Variants in C11orf65 observed in about 807,000 individuals in gnomAD.
C11orf65 encodes the protein chromosome 11 open reading frame 65.
C11orf65 carries 38 observed loss-of-function variants against 35.3 expected under a neutral mutation model. The ratio of observed to expected loss-of-function variants is 1.08; its 90% CI spans 0.83 to 1.41. The LOEUF (loss-of-function observed/expected upper bound fraction) is 1.41. Among genes scored for constraint, C11orf65 ranks in the 40% most tolerant of loss-of-function variants. The probability of loss-of-function intolerance (pLI) is 0.00; values close to 1 mark genes in which losing one functional copy is unlikely to be tolerated. For synonymous variants in C11orf65, 105 were observed against 114.4 expected (o/e 0.92, Z 0.53); for missense variants, 370 against 367.1 (o/e 1.01, Z -0.06).
Position 108,369,789 on chromosome 11 carries a change from A to G in C11orf65, c.226+23419T>C, listed in dbSNP as rs576627402. 2.0e-5 allele frequency among the ~76,000 whole-genome samples: 3 copies of G among 152,350 alleles called. No homozygotes were observed. In the South Asian group the frequency reaches 6.2e-4, roughly 32 times the overall value. On this transcript the variant is annotated intron_variant, in intron 2 of 3. Coordinates refer to the C11orf65 transcript ENST00000524755. The stretch of plus-strand genomic sequence containing the variant: ...CTGCCTCACTTGATATTTTCAAAAT[A>G]AAGTTATTGTTATTTTGATGGGAAC...
At chr11:108,336,035 G>C in intron 2 of C11orf65, 1 of 1,155,934 alleles carries the variant, frequency 8.7e-7, no homozygotes, top group South Asian at 1.3e-5. Flanking sequence ...AGTGGCTCAT[G>C]CCCATATTCA....
chr11:108,408,219 A>G (rs1445668044), intron 3 of C11orf65, among the ~76,000 whole-genome samples: 1 of 151,938 alleles, frequency 6.6e-6, no homozygotes, highest in Non-Finnish European at 1.5e-5. Context: ...AAAGCCAAGT[A>G]ATTTTTTAGT....
At chr11:108,323,888 A>G (rs2085411507) in intron 6 of C11orf65, among the ~76,000 whole-genome samples, 1 of 152,202 alleles carries the variant, frequency 6.6e-6, no homozygotes, top group Non-Finnish European at 1.5e-5. Flanking sequence ...AGAAGCAGAG[A>G]TAAGAATTCA....
intron 2 of C11orf65, among the ~76,000 whole-genome samples, chr11:108,438,923 T>C (rs2093108101): frequency 6.6e-6 from 1 of 151,882 alleles, no homozygotes; most frequent in South Asian, 2.1e-4. Flanking sequence ...GAAGAATCAT[T>C]TGAACGCAGG....
intron 6 of C11orf65, among the ~76,000 whole-genome samples, chr11:108,403,413 TTTTTTTG>T (rs887998189): frequency 3.4e-5 from 5 of 145,000 alleles, no homozygotes; most frequent in East Asian, 3.9e-4. Context: ...TGAGAGGTTT[TTTTTTTG>T]TTTTTTTTTT....
At chr11:108,313,100 C>A (rs1057478703) in intron 6 of C11orf65, among the ~76,000 whole-genome samples, 5 of 152,204 alleles carry the variant, frequency 3.3e-5, no homozygotes, top group African/African-American at 1.2e-4. Flanking sequence ...ACATTGAAAT[C>A]TCCTGGCATC....
chr11:108,383,870 CTTTTTT>C (rs10563376), intron 8 of C11orf65, among the ~76,000 whole-genome samples: 5 of 117,864 alleles, frequency 4.2e-5, no homozygotes, highest in Non-Finnish European at 5.3e-5. Context: ...ATATTGTTTC[CTTTTTT>C]TTTTTTTTTT....
intron 1 of C11orf65, among the ~76,000 whole-genome samples, chr11:108,466,719 A>AT (rs1179122722): frequency 1.3e-5 from 2 of 152,246 alleles, no homozygotes; most frequent in Admixed American, 1.3e-4. Flanking sequence ...AATCAATAAA[A>AT]TTTTTTATCA....
intron 2 of C11orf65, among the ~76,000 whole-genome samples, chr11:108,374,777 C>T (rs983945483): frequency 2.0e-5 from 3 of 152,108 alleles, no homozygotes; most frequent in Non-Finnish European, 4.4e-5. Context: ...ATAACCAATA[C>T]AGAGAAGTGC....
rs566069321 is a variant in C11orf65 at position 108,371,495 on chromosome 11, T to C, written c.226+21713A>G. 3.6e-4 allele frequency among the ~76,000 whole-genome samples: 55 copies of C among 152,344 alleles called. No individual in the cohort carries two copies. The South Asian group carries it at 3.9e-3, about 11-fold the overall frequency. ...GTAGAATCATGCAATATTTGTCTCT[T>C]TGTGACTAGCTTATTTCACTTAGCA... On this transcript the variant is annotated intron_variant, in intron 2 of 3. Transcript: ENST00000524755.
In C11orf65 at chr11:108,320,003, C is replaced by T. The variant is rs876658163; in HGVS notation, c.641-10932G>A. 1.2e-6 allele frequency: 2 copies of T among 1,612,740 alleles called. No individual in the cohort carries two copies. The highest frequency in any genetic ancestry group is 1.7e-6 in the Non-Finnish European group (2 of 1,178,912). ...CCATGAATCATTGTACAATGCTCTA[C>T]AATCTCTAAGAGACAGAGAATTCTC... On this transcript the variant is annotated intron_variant, in intron 6 of 6. Coordinates refer to the C11orf65 transcript ENST00000525729.
chr11:108,448,996 A>C (rs1207774032), intron 2 of C11orf65, among the ~76,000 whole-genome samples: 1 of 152,172 alleles, frequency 6.6e-6, no homozygotes, highest in Non-Finnish European at 1.5e-5. Flanking sequence ...AATAACAGAC[A>C]AACAGAGAGC....
rs540246384 is a variant in C11orf65 at position 108,440,164 on chromosome 11, G to A, written c.82-8326C>T. On this transcript the variant is annotated intron_variant, in intron 2 of 8. Transcript: ENST00000393084. Reference sequence around the variant, plus strand: ...AGGGTAAAAGTACTAATTTAAGGTAGAGACTAACTAATCAAGGGCAAATAT... The same window carrying A: ...AGGGTAAAAGTACTAATTTAAGGTAAAGACTAACTAATCAAGGGCAAATAT... Among the ~76,000 whole-genome samples, 542 of 152,314 alleles carry A rather than the reference G, an allele frequency of 3.6e-3. 3 individuals are homozygous for A. The highest frequency in any genetic ancestry group is 5.2e-3 in the Non-Finnish European group (355 of 68,034).
intron 3 of C11orf65, among the ~76,000 whole-genome samples, chr11:108,413,084 T>A (rs1197563172): frequency 6.6e-6 from 1 of 152,190 alleles, no homozygotes; most frequent in Non-Finnish European, 1.5e-5. Flanking sequence ...CCAATTGACA[T>A]TTATAAAACA....
intron 6 of C11orf65, chr11:108,310,101 T>C (rs2084014144): frequency 3.2e-6 from 5 of 1,546,228 alleles, no homozygotes; most frequent in Non-Finnish European, 4.4e-6. Flanking sequence ...ATCAACATGC[T>C]TTTATTTTGA....
intron 7 of C11orf65, among the ~76,000 whole-genome samples, chr11:108,389,702 CAG>C (rs1245987484): frequency 1.3e-5 from 2 of 152,100 alleles, no homozygotes; most frequent in Admixed American, 1.3e-4. Context: ...TGTTTTGAGA[CAG>C]AGTCTCGCTC....
rs1565520641 is a variant in C11orf65 at position 108,326,148 on chromosome 11, T to C, written c.641-17077A>G. On this transcript the variant is annotated intron_variant, in intron 6 of 6. Transcript: ENST00000525729. ...GCAGCTGGAAGAAGCACAAGTATTC[T>C]GGGCAAAAAAGGAGCAGAGTCTTGC... 6.2e-7 allele frequency: 1 copy of C among 1,614,092 alleles called. No homozygotes were observed. Among genetic ancestry groups the C allele is most frequent in the African/African-American group, 1.3e-5 (1 of 75,036 alleles).
chr11:108,415,542 G>A (rs1291623364), intron 3 of C11orf65, among the ~76,000 whole-genome samples: 1 of 152,080 alleles, frequency 6.6e-6, no homozygotes, highest in Non-Finnish European at 1.5e-5. Context: ...CATCTTTCTG[G>A]ATCTATAGAT....
chr11:108,460,574 T>C (rs916718366), intron 2 of C11orf65, among the ~76,000 whole-genome samples: 1 of 152,174 alleles, frequency 6.6e-6, no homozygotes, highest in African/African-American at 2.4e-5. Flanking sequence ...AGTCAAGAAA[T>C]AAAGTGTTGA....
Sources: gnomAD v4.1 joint callset for allele counts (sites outside exome capture counted in the v4.1 genomes callset) on GRCh38, gnomAD v4.1.1 for gene constraint, MANE v1.5 for transcripts, NCBI Gene and HGNC (gene_info 2026-07-23, HGNC 2026-07-21) for gene names.